ATG14: variants seen among roughly 807,000 people sequenced by gnomAD.
ATG14 encodes autophagy related 14, also known as beclin 1-associated autophagy-related key regulator.
In ATG14, 35 loss-of-function variants were observed where a neutral mutation model predicts 60.4. The ratio of observed to expected loss-of-function variants is 0.58; its 90% CI spans 0.44 to 0.77. The LOEUF (loss-of-function observed/expected upper bound fraction) is 0.77. Ranked by LOEUF, ATG14 falls within the 30% of genes least tolerant of loss-of-function variation. The pLI, the probability that ATG14 is intolerant of heterozygous loss-of-function variation, is 0.00. For synonymous variants in ATG14, 234 were observed against 228.8 expected, an observed-to-expected ratio of 1.02 and a Z score of -0.21; for missense variants, 647 against 626.3, an observed-to-expected ratio of 1.03 and a Z score of -0.35.
intron 1 of ATG14, among the ~76,000 whole-genome samples, chr14:55,398,309 TG>T (rs1885348035): frequency 1.3e-5 from 2 of 152,162 alleles, no homozygotes; most frequent in Admixed American, 1.3e-4. Flanking sequence ...CCAACTTACT[TG>T]GGTTTTTTGT....
chr14:55,386,163 C>T, intron 4 of ATG14, 67 bp from the exon 5 acceptor site: 2 of 1,324,374 alleles, frequency 1.5e-6, no homozygotes, highest in African/African-American at 1.5e-5. Context: ...CAGAGCTCCA[C>T]CCCACAAACA....
intron 1 of ATG14, among the ~76,000 whole-genome samples, chr14:55,398,004 G>C (rs1476854624): frequency 6.5e-5 from 9 of 138,650 alleles, no homozygotes; most frequent in African/African-American, 2.5e-4. Context: ...CTGGGGTGTA[G>C]TGGTGCGATC....
intron 9 of ATG14, among the ~76,000 whole-genome samples, chr14:55,374,215 TG>T (rs1410952304): frequency 7.4e-6 from 1 of 135,226 alleles, no homozygotes; most frequent in Non-Finnish European, 1.7e-5. Flanking sequence ...ATTATTTTAA[TG>T]TTTTTTTTTA....
chr14:55,400,913 T>TA (rs558824486), intron 1 of ATG14, among the ~76,000 whole-genome samples: 4 of 68,290 alleles, frequency 5.9e-5, no homozygotes, highest in Non-Finnish European at 1.6e-4. Flanking sequence ...AATAAATAAA[T>TA]AAAATAAAAT....
At chr14:55,374,329 C>T (rs1457660576) in intron 9 of ATG14, among the ~76,000 whole-genome samples, 2 of 152,170 alleles carry the variant, frequency 1.3e-5, no homozygotes, top group Non-Finnish European at 2.9e-5. Flanking sequence ...CTCAAGTGAT[C>T]TGACTACTTA....
rs552198516 is a variant in ATG14 at position 55,369,330 on chromosome 14, C to A, written c.*289G>T. 2 of 240,946 alleles carry A rather than the reference C, an allele frequency of 8.3e-6. No homozygotes were observed. The highest frequency in any genetic ancestry group is 3.3e-4 in the South Asian group (2 of 6,070). 14.9% of individuals were successfully genotyped at this position (240,946 alleles called of 1,614,324 possible). On this transcript the variant is annotated 3_prime_UTR_variant, in exon 10 of 10. Coordinates refer to ENST00000247178, the MANE Select transcript of ATG14 (RefSeq NM_014924.5). ...GCCCAGAGGGAACCCAAATCAACTG[C>A]TTCCTTGGCAGAACTGGCCACACGC... is the stretch of plus-strand genomic sequence containing the variant.
intron 7 of ATG14, among the ~76,000 whole-genome samples, chr14:55,379,688 G>A (rs1884992423): frequency 6.6e-6 from 1 of 152,180 alleles, no homozygotes; most frequent in Non-Finnish European, 1.5e-5. Flanking sequence ...AGATTGTAGT[G>A]CAAACTGGGT....
chr14:55,382,873 G>A (rs573328710), intron 5 of ATG14, among the ~76,000 whole-genome samples: 2 of 152,160 alleles, frequency 1.3e-5, no homozygotes, highest in South Asian at 4.2e-4. Flanking sequence ...TACTGATACT[G>A]AATTAGAAAT....
intron 1 of ATG14, among the ~76,000 whole-genome samples, chr14:55,400,769 T>G (rs1447175336): frequency 6.6e-6 from 1 of 152,020 alleles, no homozygotes; most frequent in South Asian, 2.1e-4. Context: ...CCAGGTGTGG[T>G]GGCGGGCACC....
chr14:55,369,645 A>C lies in ATG14; in HGVS notation c.1453T>G (p.Phe485Val). ...SSAAASVTSW[F>V]KAYTGHR ...TAACGGTGTCCAGTGTAAGCTTTAAACCAGGAGGTCACCGAGGCTGCTGCA... is the reference window on the plus strand; with the variant it reads ...TAACGGTGTCCAGTGTAAGCTTTAACCCAGGAGGTCACCGAGGCTGCTGCA... The change falls in exon 10 of 10, where the codon TTT becomes GTT. Residue 485 changes from phenylalanine (F) to valine (V), a missense_variant. Physicochemically the swap from Phe to Val is conservative, Grantham distance 50. Coordinates refer to ENST00000247178, the MANE Select transcript of ATG14 (RefSeq NM_014924.5). The C allele has an allele frequency of 6.5e-7, 1 of 1,541,258 alleles. No homozygotes were observed. The highest frequency in any genetic ancestry group is 2.3e-5 in the East Asian group (1 of 44,108).
chr14:55,385,941 G>C lies in ATG14; in HGVS notation c.565C>G (p.Arg189Gly), dbSNP rs199828264. The change falls in exon 5 of 10, where the codon CGT becomes GGT. Residue 189 changes from arginine (R) to glycine (G), a missense_variant. By Grantham distance (125) the Arg-to-Gly change is moderately radical. Coordinates refer to ENST00000247178, the MANE Select transcript of ATG14 (RefSeq NM_014924.5). ...TGGGATCGTCGAAGATTTGCCAGAC[G>C]CTCATAATGACTTCTTAAGTCAATG... The part of the protein sequence containing the change: ...KTIDLRSHYE[R>G]LANLRRSHIL... 6.2e-7 allele frequency: 1 copy of C among 1,614,126 alleles called. No homozygotes were observed.
At chr14:55,380,474 AC>A in intron 7 of ATG14, 98 bp downstream of exon 7, 1 of 772,762 alleles carries the variant, frequency 1.3e-6, no homozygotes, top group Non-Finnish European at 2.2e-6. Flanking sequence ...TCTTGGTAAT[AC>A]TTACATTCTT....
chr14:55,381,044 C>T (rs1030729326), intron 6 of ATG14, among the ~76,000 whole-genome samples: 4 of 151,890 alleles, frequency 2.6e-5, no homozygotes, highest in African/African-American at 9.7e-5. Context: ...CCTGACAACC[C>T]TACGGAAGAG....
chr14:55,410,319 T>C (rs1221648064), intron 1 of ATG14, among the ~76,000 whole-genome samples: 1 of 152,202 alleles, frequency 6.6e-6, no homozygotes, highest in East Asian at 1.9e-4. Context: ...ATTTAAATTA[T>C]GTGAATAGAC....
Position 55,397,555 on chromosome 14 carries a change from G to A in ATG14, c.222-121C>T, listed in dbSNP as rs989522053. 4.5e-5 allele frequency: 34 copies of A among 762,694 alleles called. No homozygotes were observed. In the African/African-American group the frequency reaches 4.6e-4, roughly 10 times the overall value. The allele number at this position is 762,694 out of a possible 1,614,324, so 47.2% of individuals were successfully genotyped here. On this transcript the variant is annotated intron_variant, in intron 1 of 9. Transcript: ENST00000247178. Reference sequence around the variant, plus strand: ...ATGTGAAAATGTCATTGTCCTGATAGTAAATACACGTCTTCTCAACGGGGT... The same window carrying A: ...ATGTGAAAATGTCATTGTCCTGATAATAAATACACGTCTTCTCAACGGGGT...
intron 7 of ATG14, 53 bp from the exon 8 acceptor site, chr14:55,378,127 G>T: frequency 1.3e-6 from 2 of 1,497,892 alleles, no homozygotes; most frequent in Non-Finnish European, 1.8e-6. Flanking sequence ...GAAATTCTAT[G>T]TTAAAATTTC....
chr14:55,371,638 A>C (rs982401585), intron 9 of ATG14, among the ~76,000 whole-genome samples: 10 of 152,010 alleles, frequency 6.6e-5, no homozygotes, highest in African/African-American at 2.2e-4. Flanking sequence ...CCCTGTCTCT[A>C]CTAAAAATAC....
intron 3 of ATG14, among the ~76,000 whole-genome samples, chr14:55,391,491 G>GAAAAA (rs1885217377): frequency 7.0e-6 from 1 of 142,260 alleles, no homozygotes; most frequent in Non-Finnish European, 1.5e-5. Flanking sequence ...AAAAAAAAAA[G>GAAAAA]GAAAGGGAAA....
At position 55,366,515 on chromosome 14, in the gene ATG14, C is replaced by T. The variant is rs990631804; in HGVS notation, c.*3104G>A. The T allele has an allele frequency of 6.6e-6, 1 of 152,610 alleles. No individual in the cohort carries two copies. Among genetic ancestry groups the T allele is most frequent in the African/African-American group, 2.4e-5 (1 of 41,460 alleles). The allele number at this position is 152,610 out of a possible 1,614,324, so 9.5% of individuals were successfully genotyped here. On this transcript the variant is annotated 3_prime_UTR_variant, in exon 10 of 10. Transcript: ENST00000247178. ...CAACATGATACTGTGAGGAGATTCT[C>T]GGACACTAGTCCTCTAACAGCATGC...
Sources: gnomAD v4.1 joint callset for allele counts (sites outside exome capture counted in the v4.1 genomes callset) on GRCh38, gnomAD v4.1.1 for gene constraint, MANE v1.5 for transcripts, NCBI Gene and HGNC (gene_info 2026-07-23, HGNC 2026-07-21) for gene names.